SPAM1: variants seen among roughly 807,000 people sequenced by gnomAD.
The protein encoded by SPAM1 is sperm adhesion molecule 1.
SPAM1 carries 22 observed loss-of-function variants against 29.6 expected under a neutral mutation model. That is an observed-to-expected ratio of 0.74 (90% CI 0.53 to 1.06). The LOEUF is 1.06. Among genes scored for constraint, SPAM1 ranks in the 50% least tolerant of loss-of-function variants. The probability of loss-of-function intolerance (pLI) is 0.00; values close to 1 mark genes in which losing one functional copy is unlikely to be tolerated. For synonymous variants in SPAM1, 194 were observed against 204.6 expected (o/e 0.95, Z 0.44); for missense variants, 534 against 604.0 (o/e 0.88, Z 1.21).
chr7:123,942,450 A>G (rs1234527511), intron 1 of SPAM1, among the ~76,000 whole-genome samples: 1 of 152,232 alleles, frequency 6.6e-6, no homozygotes, highest in Non-Finnish European at 1.5e-5. Context: ...TATTTTCACT[A>G]AAGACAAGTC....
At chr7:123,959,178 C>T (rs1213851554) in intron 4 of SPAM1, among the ~76,000 whole-genome samples, 1 of 152,032 alleles carries the variant, frequency 6.6e-6, no homozygotes, top group Non-Finnish European at 1.5e-5. Context: ...CTCTAACACA[C>T]TTTAACAGCT....
At chr7:123,964,531 A>G (rs1230649821), downstream of SPAM1, among the ~76,000 whole-genome samples, 1 of 151,814 alleles carries the variant, frequency 6.6e-6, no homozygotes, top group Non-Finnish European at 1.5e-5. Context: ...TTTAGTTTTT[A>G]AGAGACAAGG....
At chr7:123,934,946 ATAGT>A (rs887820764) in intron 1 of SPAM1, among the ~76,000 whole-genome samples, 2 of 152,178 alleles carry the variant, frequency 1.3e-5, no homozygotes, top group Non-Finnish European at 2.9e-5. Context: ...TATTGTGACT[ATAGT>A]TAACAATAAT....
At chr7:123,957,849 C>T (rs1792280307) in intron 4 of SPAM1, among the ~76,000 whole-genome samples, 1 of 151,976 alleles carries the variant, frequency 6.6e-6, no homozygotes, top group Non-Finnish European at 1.5e-5. Context: ...GCTCATGGCC[C>T]TCTTCTTTCT....
intron 1 of SPAM1, among the ~76,000 whole-genome samples, chr7:123,941,187 G>A (rs529110639): frequency 6.6e-6 from 1 of 152,062 alleles, no homozygotes; most frequent in African/African-American, 2.4e-5. Context: ...TAAACCAAAA[G>A]GTATCTGAGA....
chr7:123,964,489 C>A (rs1161858049), downstream of SPAM1, among the ~76,000 whole-genome samples: 1 of 151,628 alleles, frequency 6.6e-6, no homozygotes, highest in Admixed American at 6.6e-5. Context: ...TTTTTCTCTG[C>A]TAGGTTTTAA....
chr7:123,931,475 A>G (rs1024861000), intron 1 of SPAM1, among the ~76,000 whole-genome samples: 3 of 152,212 alleles, frequency 2.0e-5, no homozygotes, highest in African/African-American at 7.2e-5. Flanking sequence ...GCCAAGAAGA[A>G]TTTAGACAGG....
At position 123,954,115 on chromosome 7, in the gene SPAM1, C is replaced by T. The variant is rs1251218554; in HGVS notation, c.545C>T (p.Thr182Ile). The T allele has an allele frequency of 1.2e-6, 2 of 1,612,952 alleles. No homozygotes were observed. The highest frequency in any genetic ancestry group is 1.1e-5 in the South Asian group (1 of 90,980). ...CAACAAAATGTACAACTTAGTCTCA[C>T]AGAGGCCACTGAGAAAGCAAAACAA... The part of the protein sequence containing the change: ...VQQQNVQLSL[T>I]EATEKAKQEF... The change falls in exon 3 of 5, where the codon ACA becomes ATA. Residue 182 changes from threonine (T) to isoleucine (I), a missense_variant. By Grantham distance (89) the Thr-to-Ile change is moderately conservative. Coordinates refer to ENST00000682466, the MANE Select transcript of SPAM1 (RefSeq NM_153189.3).
downstream of SPAM1, among the ~76,000 whole-genome samples, chr7:123,963,134 G>A (rs1792382348): frequency 6.6e-6 from 1 of 151,708 alleles, no homozygotes; most frequent in African/African-American, 2.4e-5. Context: ...GATGTGAAGG[G>A]TATATACATT....
intron 4 of SPAM1, among the ~76,000 whole-genome samples, chr7:123,957,401 A>G (rs1432680059): frequency 6.6e-6 from 1 of 152,022 alleles, no homozygotes; most frequent in African/African-American, 2.4e-5. Flanking sequence ...TGAAATAGCT[A>G]CTATATCTAA....
chr7:123,954,968 C>A, intron 3 of SPAM1, 29 bp from the exon 4 acceptor site: 1 of 1,504,834 alleles, frequency 6.6e-7, no homozygotes, highest in Non-Finnish European at 9.2e-7. Flanking sequence ...TCATTTTTAT[C>A]TGCTAACTCT....
intron 6 of SPAM1, among the ~76,000 whole-genome samples, chr7:123,970,448 T>A (rs1432597955): frequency 6.6e-6 from 1 of 151,926 alleles, no homozygotes; most frequent in Non-Finnish European, 1.5e-5. Flanking sequence ...TCAAATAAGG[T>A]CACATTCTAA....
chr7:123,968,903 T>G (rs773808990), intron 5 of SPAM1, among the ~76,000 whole-genome samples: 4 of 152,100 alleles, frequency 2.6e-5, no homozygotes, highest in Non-Finnish European at 5.9e-5. Context: ...ATTGTTGTTA[T>G]TTTTATTTCA....
At chr7:123,951,141 A>G (rs898220625) in intron 2 of SPAM1, among the ~76,000 whole-genome samples, 2 of 152,010 alleles carry the variant, frequency 1.3e-5, no homozygotes, top group African/African-American at 2.4e-5. Flanking sequence ...TGAGTTCCTC[A>G]TAGATTCTGG....
intron 1 of SPAM1, among the ~76,000 whole-genome samples, chr7:123,928,000 A>T (rs1807946616): frequency 6.6e-6 from 1 of 152,130 alleles, no homozygotes; most frequent in Non-Finnish European, 1.5e-5. Flanking sequence ...TTATGGGGTG[A>T]CGGCGCATTG....
chr7:123,951,493 T>C (rs1354349000), intron 2 of SPAM1, among the ~76,000 whole-genome samples: 1 of 152,160 alleles, frequency 6.6e-6, no homozygotes, highest in Non-Finnish European at 1.5e-5. Flanking sequence ...GGCTTTGCAT[T>C]AGATTTATGC....
chr7:123,929,838 C>G (rs1172043816), intron 1 of SPAM1, among the ~76,000 whole-genome samples: 4 of 150,170 alleles, frequency 2.7e-5, no homozygotes, highest in Non-Finnish European at 4.4e-5. Context: ...GGCCAGAGTG[C>G]TTTCTGCCAT....
chr7:123,958,895 G>A (rs529524672), intron 4 of SPAM1, among the ~76,000 whole-genome samples: 3 of 151,768 alleles, frequency 2.0e-5, no homozygotes, highest in African/African-American at 7.3e-5. Context: ...AATTTATTGA[G>A]GGTCAACTGA....
At chr7:123,964,294 A>G (rs1443289438), downstream of SPAM1, among the ~76,000 whole-genome samples, 1 of 151,798 alleles carries the variant, frequency 6.6e-6, no homozygotes, top group Non-Finnish European at 1.5e-5. Flanking sequence ...TTTGGTTTCT[A>G]ATCATTTCAA....
Sources: gnomAD v4.1 joint callset for allele counts (sites outside exome capture counted in the v4.1 genomes callset) on GRCh38, gnomAD v4.1.1 for gene constraint, MANE v1.5 for transcripts, NCBI Gene and HGNC (gene_info 2026-07-23, HGNC 2026-07-21) for gene names.